FGD4: variants seen among roughly 807,000 people sequenced by gnomAD.
The protein encoded by FGD4 is FYVE, RhoGEF and PH domain containing 4, also known as FYVE, RhoGEF and PH domain-containing protein 4.
In FGD4, 42 loss-of-function variants were observed where a neutral mutation model predicts 102.0. The ratio of observed to expected loss-of-function variants is 0.41; its 90% CI spans 0.32 to 0.53. FGD4 has a LOEUF of 0.53. Ranked by LOEUF, FGD4 falls within the 20% of genes least tolerant of loss-of-function variation. The pLI, the probability that FGD4 is intolerant of heterozygous loss-of-function variation, is 0.21. For missense variants in FGD4, 902 were observed against 1,078.2 expected (o/e 0.84, Z 2.29); for synonymous variants, 380 against 375.7 (o/e 1.01, Z -0.13).
intron 1 of FGD4, among the ~76,000 whole-genome samples, chr12:32,433,492 G>A (rs941283143): frequency 6.6e-6 from 1 of 151,818 alleles, no homozygotes; most frequent in Non-Finnish European, 1.5e-5. Flanking sequence ...GGGATTACAG[G>A]CACCTGCCAT....
intron 14 of FGD4, among the ~76,000 whole-genome samples, 199 bp downstream of exon 14, chr12:32,625,978 C>A (rs1219243607): frequency 3.9e-5 from 6 of 152,072 alleles, no homozygotes; most frequent in Non-Finnish European, 7.4e-5. Context: ...ACAGAGCTTA[C>A]GTTGTAATGG....
chr12:32,543,023 C>T (rs745618413), intron 1 of FGD4, among the ~76,000 whole-genome samples: 10 of 152,108 alleles, frequency 6.6e-5, no homozygotes, highest in Non-Finnish European at 1.3e-4. Flanking sequence ...AAGACTATCC[C>T]CACTTTAGAT....
intron 8 of FGD4, among the ~76,000 whole-genome samples, chr12:32,608,638 AG>A (rs1948944003): frequency 2.6e-5 from 4 of 152,236 alleles, no homozygotes; most frequent in Non-Finnish European, 5.9e-5. Flanking sequence ...TTATAATGAA[AG>A]GGGTTTTTTT....
At position 32,512,317 on chromosome 12, in the gene FGD4, C is replaced by T. The variant is rs534944783; in HGVS notation, c.167-51820C>T. Among the ~76,000 whole-genome samples, 4 of 152,006 alleles carry T rather than the reference C, an allele frequency of 2.6e-5. No homozygotes were observed. The East Asian group carries it at 7.7e-4, about 29-fold the overall frequency. ...AAAAAATTAGCTGGGCATGGTGGCA[C>T]GAGCCTGTAATCCCAGCTACTTGGG... is the stretch of plus-strand genomic sequence containing the variant. On this transcript the variant is annotated intron_variant, in intron 1 of 16. Transcript: ENST00000534526.
chr12:32,399,786 C>A lies in FGD4; in HGVS notation c.-8C>A. 6.5e-7 allele frequency: 1 copy of A among 1,529,584 alleles called. No homozygotes were observed. Among genetic ancestry groups the A allele is most frequent in the Non-Finnish European group, 8.7e-7 (1 of 1,144,876 alleles). 94.8% of individuals were successfully genotyped at this position (1,529,584 alleles called of 1,614,324 possible). On this transcript the variant is annotated 5_prime_UTR_variant, in exon 1 of 17. Coordinates refer to ENST00000534526, the MANE Select transcript of FGD4 (RefSeq NM_001370298.3). ...AGGAGTCGGGGAGCGGCGGTCGAGCCCGGCAGGATGAGCGACGAGGGCGGC... is the reference window on the plus strand; with the variant it reads ...AGGAGTCGGGGAGCGGCGGTCGAGCACGGCAGGATGAGCGACGAGGGCGGC...
chr12:32,496,447 TACA>T (rs1392561829), intron 1 of FGD4, among the ~76,000 whole-genome samples: 24 of 152,154 alleles, frequency 1.6e-4, no homozygotes, highest in Non-Finnish European at 3.4e-4. Flanking sequence ...CCCAACCCCC[TACA>T]ACAAGAGTTA....
chr12:32,586,546 A>G (rs1189243427), intron 4 of FGD4, among the ~76,000 whole-genome samples: 2 of 152,366 alleles, frequency 1.3e-5, no homozygotes, highest in East Asian at 3.9e-4. Context: ...CAATTAAAGC[A>G]TGGAAGTGAC....
At chr12:32,632,977 C>T (rs1950580928) in intron 14 of FGD4, among the ~76,000 whole-genome samples, 1 of 152,006 alleles carries the variant, frequency 6.6e-6, no homozygotes, top group South Asian at 2.1e-4. Context: ...GGACCAGTCA[C>T]AAGCCTAGAA....
intron 16 of FGD4, chr12:32,639,019 T>G: frequency 7.9e-7 from 1 of 1,261,360 alleles, no homozygotes; most frequent in Non-Finnish European, 1.0e-6. Context: ...CTTTCTTGTC[T>G]CATTCAATGG....
intron 1 of FGD4, among the ~76,000 whole-genome samples, chr12:32,461,766 G>A (rs112054305): frequency 0.13 from 20,459 of 152,084 alleles, 1,467 homozygotes; most frequent in Non-Finnish European, 0.18. Context: ...TTGCTCTGTC[G>A]CCGAGGCTGG....
chr12:32,592,573 A>AT (rs1947571324), intron 4 of FGD4, among the ~76,000 whole-genome samples: 1 of 152,094 alleles, frequency 6.6e-6, no homozygotes, highest in African/African-American at 2.4e-5. Flanking sequence ...AAGAAACAGT[A>AT]TTTACCTATT....
intron 10 of FGD4, among the ~76,000 whole-genome samples, chr12:32,615,690 GA>G (rs1949409696): frequency 6.6e-6 from 1 of 152,036 alleles, no homozygotes; most frequent in Admixed American, 6.6e-5. Flanking sequence ...GAGCAGTGGG[GA>G]AGCACCAGCG....
At chr12:32,495,312 T>C (rs1469424309) in intron 1 of FGD4, among the ~76,000 whole-genome samples, 2 of 152,218 alleles carry the variant, frequency 1.3e-5, no homozygotes, top group Non-Finnish European at 2.9e-5. Flanking sequence ...CAGCATTAAC[T>C]AATCATGATT....
intron 8 of FGD4, among the ~76,000 whole-genome samples, chr12:32,609,310 T>C (rs1948990322): frequency 6.6e-6 from 1 of 152,180 alleles, no homozygotes; most frequent in Admixed American, 6.5e-5. Flanking sequence ...TCAAACCAAC[T>C]ACTTCCTATG....
intron 13 of FGD4, among the ~76,000 whole-genome samples, 177 bp from the exon 14 acceptor site, chr12:32,625,477 C>A (rs932797348): frequency 1.3e-5 from 2 of 151,864 alleles, no homozygotes; most frequent in African/African-American, 4.8e-5. Context: ...ACCATGTTGG[C>A]CAGACTGGTC....
chr12:32,619,717 A>T lies in FGD4; in HGVS notation c.1769A>T (p.Tyr590Phe). The change falls in exon 11 of 17, where the codon TAC (tyrosine) becomes TTC (phenylalanine). Residue 590 changes from tyrosine (Y) to phenylalanine (F), a missense_variant. Tyr to Phe is a conservative substitution (Grantham distance 22). Coordinates refer to ENST00000534526, the MANE Select transcript of FGD4 (RefSeq NM_001370298.3). ...YLFLFNNMLL[Y>F]CVPKFSLVGS... ...TTGCAGTTCAACAACATGTTGCTGT[A>T]CTGTGTGCCCAAATTCAGCTTGGTA... The T allele has an allele frequency of 6.2e-7, 1 of 1,614,134 alleles. No individual in the cohort carries two copies. Among genetic ancestry groups the T allele is most frequent in the Non-Finnish European group, 8.5e-7 (1 of 1,180,026 alleles).
At chr12:32,440,247 T>C (rs1227690308) in intron 1 of FGD4, among the ~76,000 whole-genome samples, 3 of 152,190 alleles carry the variant, frequency 2.0e-5, no homozygotes, top group African/African-American at 7.2e-5. Context: ...GTTAGGTATT[T>C]ATTGTAGTCT....
rs904147303 is a variant in FGD4 at position 32,592,113 on chromosome 12, C to T, written c.1012-6384C>T. Among the ~76,000 whole-genome samples, 8 of 151,954 alleles carry T rather than the reference C, an allele frequency of 5.3e-5. 2 individuals are homozygous for T. In the South Asian group the frequency reaches 1.7e-3, roughly 32 times the overall value. On this transcript the variant is annotated intron_variant, in intron 4 of 16. Coordinates refer to ENST00000534526, the MANE Select transcript of FGD4 (RefSeq NM_001370298.3). ...TTATTTATTTTTTGAGACAGAGTCT[C>T]ACTCTTTCGCCCAGGCTGCGGTGCA...
chr12:32,557,978 AG>A (rs1359476185), intron 1 of FGD4, among the ~76,000 whole-genome samples: 1 of 152,216 alleles, frequency 6.6e-6, no homozygotes, highest in Non-Finnish European at 1.5e-5. Context: ...TCAGCCGACC[AG>A]GGTTAACATC....
Sources: allele counts gnomAD v4.1 joint callset (sites outside exome capture counted in the v4.1 genomes callset), GRCh38; gene constraint gnomAD v4.1.1; transcripts MANE v1.5; gene names NCBI Gene and HGNC (gene_info 2026-07-23, HGNC 2026-07-21).